Variants in ENOX2 observed in about 807,000 individuals in gnomAD.
ENOX2 encodes the protein APK1 antigen.
In ENOX2, 36 loss-of-function variants were observed where a neutral mutation model predicts 45.0. The observed-to-expected ratio is 0.80, with a 90% CI of 0.61 to 1.06. ENOX2 has a LOEUF of 1.06. ENOX2 is among the 50% of genes least tolerant of loss of function. The pLI is 0.00. For missense variants in ENOX2, 423 were observed against 462.5 expected, an observed-to-expected ratio of 0.91 and a Z score of 0.78; for synonymous variants, 174 against 152.3, an observed-to-expected ratio of 1.14 and a Z score of -1.05.
chrX:130,798,342 GT>G (rs1171258053), intron 2 of ENOX2, among the ~76,000 whole-genome samples: 2 of 112,787 alleles, frequency 1.8e-5, no homozygotes. Context: ...GTTCTAAATA[GT>G]TTTCTAATTT....
intron 3 of ENOX2, among the ~76,000 whole-genome samples, chrX:130,760,876 T>C (rs1328188135): frequency 1.0e-5 from 1 of 97,325 alleles, no homozygotes; most frequent in Non-Finnish European, 2.0e-5. Flanking sequence ...TTTTAAATCA[T>C]GGATGATGTT....
intron 2 of ENOX2, among the ~76,000 whole-genome samples, chrX:130,887,030 A>C (rs779499811): frequency 1.2e-4 from 13 of 111,967 alleles, no homozygotes; most frequent in Non-Finnish European, 2.4e-4. Context: ...CAGAAAACGC[A>C]GATTTTATAC....
intron 2 of ENOX2, among the ~76,000 whole-genome samples, chrX:130,882,008 T>C (rs1233177936): frequency 8.9e-6 from 1 of 111,774 alleles, no homozygotes; most frequent in Non-Finnish European, 1.9e-5. Flanking sequence ...AAGTAAAATA[T>C]GGTCATGACT....
intron 3 of ENOX2, among the ~76,000 whole-genome samples, chrX:130,750,363 C>T (rs1042325533): frequency 1.8e-5 from 2 of 110,941 alleles, no homozygotes; most frequent in African/African-American, 6.6e-5. Context: ...CTCTGTGTTA[C>T]CCATCTGTCT....
intron 6 of ENOX2, among the ~76,000 whole-genome samples, chrX:130,676,412 G>A (rs2037152637): frequency 1.8e-5 from 2 of 111,377 alleles, no homozygotes; most frequent in African/African-American, 3.3e-5. Context: ...CTTTCAGGGG[G>A]ACAGATTCAA....
intron 2 of ENOX2, among the ~76,000 whole-genome samples, chrX:130,874,869 A>T (rs2078666169): frequency 1.8e-5 from 2 of 110,272 alleles, no homozygotes; most frequent in Non-Finnish European, 3.8e-5. Flanking sequence ...CGACACACAC[A>T]AACATAGGCA....
intron 3 of ENOX2, among the ~76,000 whole-genome samples, chrX:130,776,375 G>A (rs1306480500): frequency 9.0e-6 from 1 of 111,300 alleles, no homozygotes; most frequent in Non-Finnish European, 1.9e-5. Context: ...GGTGGGGCCT[G>A]GTGAGAGGTG....
chrX:130,718,466 C>CA (rs1225946571), intron 3 of ENOX2, among the ~76,000 whole-genome samples: 1 of 111,099 alleles, frequency 9.0e-6, no homozygotes, highest in African/African-American at 3.3e-5. Flanking sequence ...TCCTTCATCA[C>CA]AAAAAATGTA....
chrX:130,818,670 T>C lies in ENOX2; in HGVS notation c.-182-34980A>G, dbSNP rs745623035. Among the ~76,000 whole-genome samples, 14 of 111,796 alleles carry C rather than the reference T, an allele frequency of 1.3e-4. No individual in the cohort carries two copies. The South Asian group carries it at 4.1e-3, about 33-fold the overall frequency. Reference sequence around the variant, plus strand: ...GGGAAAGGATTCCCTATTTAATAAATGGTATTGGAAAAACTGGCTAGCCAT... The same window carrying C: ...GGGAAAGGATTCCCTATTTAATAAACGGTATTGGAAAAACTGGCTAGCCAT... On this transcript the variant is annotated intron_variant, in intron 2 of 14. Transcript: ENST00000394363.
At chrX:130,727,153 CTCT>C (rs2038626595) in intron 3 of ENOX2, among the ~76,000 whole-genome samples, 1 of 112,258 alleles carries the variant, frequency 8.9e-6, no homozygotes. Flanking sequence ...TGAACACCTC[CTCT>C]GTGTTAACTA....
chrX:130,887,390 TAGCTATAATTC>T (rs2078925517), intron 2 of ENOX2, among the ~76,000 whole-genome samples: 1 of 76,203 alleles, frequency 1.3e-5, no homozygotes, highest in African/African-American at 5.1e-5. Flanking sequence ...AAAAGAAAAA[TAGCTATAATTC>T]AGCTTAGATC....
chrX:130,762,061 C>T (rs2039502702), intron 3 of ENOX2, among the ~76,000 whole-genome samples: 1 of 111,435 alleles, frequency 9.0e-6, no homozygotes, highest in Non-Finnish European at 1.9e-5. Context: ...TCATTGATTT[C>T]TCTTCTTATC....
At chrX:130,844,138 T>C (rs904987490) in intron 2 of ENOX2, among the ~76,000 whole-genome samples, 9 of 112,292 alleles carry the variant, frequency 8.0e-5, no homozygotes, top group Non-Finnish European at 1.9e-5. Flanking sequence ...AGACATTAAC[T>C]CTATGAGCCT....
At chrX:130,727,346 A>T (rs969778861) in intron 3 of ENOX2, among the ~76,000 whole-genome samples, 1 of 112,155 alleles carries the variant, frequency 8.9e-6, no homozygotes, top group African/African-American at 3.2e-5. Flanking sequence ...TTTTGGCCCT[A>T]GGTATCAGGC....
At chrX:130,631,360 C>A in intron 13 of ENOX2, 108 bp downstream of exon 13, 1 of 511,910 alleles carries the variant, frequency 2.0e-6, no homozygotes, top group Non-Finnish European at 3.5e-6. Context: ...TCTTGCGCTG[C>A]CATGCTTCAT....
rs2035972228 is a variant in ENOX2, at chrX:130,637,834, A to G, written c.1130-424T>C. On this transcript the variant is annotated intron_variant, in intron 10 of 14. Coordinates refer to ENST00000394363, the MANE Select transcript of ENOX2 (RefSeq NM_006375.4). ...TGCTGCTCTGTAGCTTTGTATAAAG[A>G]GTCAGATTCTAACTTCAGTTACACT... Among the ~76,000 whole-genome samples, 3 of 111,660 alleles carry G rather than the reference A, an allele frequency of 2.7e-5. No homozygotes were observed. In the South Asian group the frequency reaches 1.1e-3, roughly 42 times the overall value.
At chrX:130,842,798 G>A (rs1278172401) in intron 2 of ENOX2, among the ~76,000 whole-genome samples, 2 of 111,003 alleles carry the variant, frequency 1.8e-5, no homozygotes, top group Admixed American at 9.6e-5. Context: ...AAGTGCCAGT[G>A]TTTTCTAGCA....
chrX:130,738,173 G>A (rs2038904203), intron 3 of ENOX2, among the ~76,000 whole-genome samples: 1 of 112,293 alleles, frequency 8.9e-6, no homozygotes, highest in Non-Finnish European at 1.9e-5. Context: ...ATATTGTGTA[G>A]TGTGTAGGTG....
intron 3 of ENOX2, chrX:130,709,256 T>C: frequency 8.3e-7 from 1 of 1,207,427 alleles, no homozygotes; most frequent in Non-Finnish European, 1.1e-6. Flanking sequence ...CATAGCCTAT[T>C]TCGTAGACCC....
Sources: gnomAD v4.1 joint callset for allele counts (sites outside exome capture counted in the v4.1 genomes callset) on GRCh38, gnomAD v4.1.1 for gene constraint, MANE v1.5 for transcripts, NCBI Gene and HGNC (gene_info 2026-07-23, HGNC 2026-07-21) for gene names.